The following RNF215 variants were observed in gnomAD, a reference collection of about 807,000 sequenced individuals.
RNF215 encodes ring finger protein 215.
RNF215 carries 41 observed loss-of-function variants against 44.8 expected under a neutral mutation model. That is an observed-to-expected ratio of 0.92 (90% CI 0.71 to 1.19). RNF215 has a LOEUF of 1.19. Among genes scored for constraint, RNF215 ranks in the 50% most tolerant of loss-of-function variants. RNF215 has a pLI of 0.00. For missense variants in RNF215, 452 were observed against 496.2 expected (o/e 0.91, Z 0.85); for synonymous variants, 218 against 230.1 (o/e 0.95, Z 0.48).
rs139909952 is a variant in RNF215 at position 30,381,776 on chromosome 22, T to G, written c.745-1375A>C. ...TGCTCTGCTCACAGTGGAGGTGCTC[T>G]GGGGGCCCTCACTGGGAAGTGTCTG... On this transcript the variant is annotated intron_variant, in intron 5 of 8. Coordinates refer to ENST00000382363, the MANE Select transcript of RNF215 (RefSeq NM_001017981.2). 6.9e-3 allele frequency among the ~76,000 whole-genome samples: 1,054 copies of G among 152,314 alleles called. 4 individuals carry two copies. Among genetic ancestry groups the G allele is most frequent in the Non-Finnish European group, 0.011 (732 of 68,016 alleles).
At position 30,379,377 on chromosome 22, in the gene RNF215, TCTTC is replaced by T. The variant is rs1240521184; in HGVS notation, c.*219_*222del. ...GCAGAGAAGGTCCCAAAGTGACCTC[TCTTC>T]CTTGACTGACAGGTCCCAGCCCTAG... On this transcript the variant is annotated 3_prime_UTR_variant, in exon 9 of 9. Coordinates refer to ENST00000382363, the MANE Select transcript of RNF215 (RefSeq NM_001017981.2). The T allele has an allele frequency of 3.3e-6, 2 of 603,114 alleles. No individual in the cohort carries two copies. The highest frequency in any genetic ancestry group is 3.7e-5 in the African/African-American group (2 of 53,882). The allele number at this position is 603,114 out of a possible 1,614,324, so 37.4% of individuals were successfully genotyped here.
intron 4 of RNF215, 166 bp from the exon 5 acceptor site, chr22:30,384,661 C>A: frequency 3.4e-6 from 2 of 584,584 alleles, no homozygotes; most frequent in Non-Finnish European, 6.0e-6. Context: ...AATTTTCACA[C>A]CAGCCAGGCC....
intron 5 of RNF215, among the ~76,000 whole-genome samples, chr22:30,383,368 C>G (rs147703135): frequency 5.1e-4 from 78 of 152,296 alleles, no homozygotes; most frequent in African/African-American, 1.7e-3. Flanking sequence ...CCAATGCCTG[C>G]CCTGTCCAGA....
In RNF215 at chr22:30,379,338, C is replaced by CA. The variant is rs1933485728; in HGVS notation, c.*261dup. Reference sequence around the variant, plus strand: ...GAGCTGCCTGTAAGGAGGGCAGACTCACGTCACAGGATTGCAGAGAAGGTC... The same window carrying CA: ...GAGCTGCCTGTAAGGAGGGCAGACTCAACGTCACAGGATTGCAGAGAAGGTC... On this transcript the variant is annotated 3_prime_UTR_variant, in exon 9 of 9. Transcript: ENST00000382363. The CA allele has an allele frequency of 1.8e-6, 1 of 551,172 alleles. No homozygotes were observed. The highest frequency in any genetic ancestry group is 3.3e-6 in the Non-Finnish European group (1 of 306,864). 34.1% of individuals were successfully genotyped at this position (551,172 alleles called of 1,614,324 possible).
Position 30,380,196 on chromosome 22 carries a change from A to G in RNF215, c.874T>C (p.Phe292Leu). Residue 292 changes from phenylalanine (F) to leucine (L), a missense_variant, in exon 7 of 9, where the codon TTT becomes CTT. Physicochemically the swap from Phe to Leu is conservative, Grantham distance 22. Coordinates refer to ENST00000382363, the MANE Select transcript of RNF215 (RefSeq NM_001017981.2). This position sits in a 1 kb window ranked among gnomAD's most constrained non-coding sequence, Gnocchi z 5.3. Reference protein sequence around the residue: ...QRELGGQVDLFKRRVVRRLAS... With the variant: ...QRELGGQVDLLKRRVVRRLAS... ...AGTCTCCGCACCACGCGGCGCTTAA[A>G]CAGGTCCACCTGTGGGGAGAGGACG... is the stretch of plus-strand genomic sequence containing the variant. The G allele has an allele frequency of 6.2e-7, 1 of 1,613,724 alleles. No homozygotes were observed. The highest frequency in any genetic ancestry group is 8.5e-7 in the Non-Finnish European group (1 of 1,179,894).
chr22:30,387,383 G>C lies in RNF215; in HGVS notation c.-70C>G. 4.0e-6 allele frequency: 4 copies of C among 998,574 alleles called. No homozygotes were observed. The highest frequency in any genetic ancestry group is 4.6e-5 in the South Asian group (1 of 21,974). The allele number at this position is 998,574 out of a possible 1,614,324, so 61.9% of individuals were successfully genotyped here. On this transcript the variant is annotated 5_prime_UTR_variant, in exon 1 of 9. Coordinates refer to ENST00000382363, the MANE Select transcript of RNF215 (RefSeq NM_001017981.2). ...GGGCGCGGGGGGGATCGGAGGGAGC[G>C]AGGCCGCTGCCGGACGGGGCGGGGC... is the stretch of plus-strand genomic sequence containing the variant.
At chr22:30,386,889 T>C (rs903353748) in intron 1 of RNF215, 130 bp from the exon 2 acceptor site, 12 of 1,473,478 alleles carry the variant, frequency 8.1e-6, no homozygotes, top group Non-Finnish European at 1.1e-5. Context: ...GCCGGAATGC[T>C]GGGGGCCTGG....
chr22:30,385,871 G>A lies in RNF215; in HGVS notation c.587+33C>T, dbSNP rs773454713. The stretch of plus-strand genomic sequence containing the variant: ...AGAACCAGGGGCTCTCTGTACCCAG[G>A]GTCAGTCCTTTGAAGTCTAAATACC... On this transcript the variant is annotated intron_variant, in intron 4 of 8. Transcript: ENST00000382363. 1.2e-5 allele frequency: 19 copies of A among 1,598,064 alleles called. No homozygotes were observed. In the South Asian group the frequency reaches 1.9e-4, roughly 16 times the overall value.
chr22:30,379,825 G>T lies in RNF215; in HGVS notation c.1009-12C>A. ...AGCACCCGGAGCCACTACAGGGGTG[G>T]GGGAGGAAGGGCTCAGGTCACCGAA... On this transcript the variant is annotated splice_polypyrimidine_tract_variant and intron_variant, in intron 7 of 8. Coordinates refer to ENST00000382363, the MANE Select transcript of RNF215 (RefSeq NM_001017981.2). The T allele has an allele frequency of 6.4e-7, 1 of 1,573,042 alleles. No individual in the cohort carries two copies. The highest frequency in any genetic ancestry group is 8.6e-7 in the Non-Finnish European group (1 of 1,161,004).
At position 30,387,350 on chromosome 22, in the gene RNF215, G is replaced by A. The variant is rs1262646555; in HGVS notation, c.-37C>T. ...GCGAGCTGGCCCAACAGTGGGGCCA[G>A]GGGTCCCGGGCGCGGGGGGGATCGG... is the stretch of plus-strand genomic sequence containing the variant. On this transcript the variant is annotated 5_prime_UTR_variant, in exon 1 of 9. Coordinates refer to ENST00000382363, the MANE Select transcript of RNF215 (RefSeq NM_001017981.2). 10 of 1,044,768 alleles carry A rather than the reference G, an allele frequency of 9.6e-6. No individual in the cohort carries two copies. Among genetic ancestry groups the A allele is most frequent in the South Asian group, 4.4e-5 (1 of 22,642 alleles). The allele number at this position is 1,044,768 out of a possible 1,614,324, so 64.7% of individuals were successfully genotyped here. A position where few individuals can be genotyped will look rare whatever the true frequency, so the allele number is the denominator to read the frequency against.
rs900774171 is a variant in RNF215, at chr22:30,386,767, G to A, written c.286-8C>T. 1.2e-6 allele frequency: 2 copies of A among 1,601,618 alleles called. No homozygotes were observed. The highest frequency in any genetic ancestry group is 1.7e-6 in the Non-Finnish European group (2 of 1,179,168). On this transcript the variant is annotated splice_region_variant and splice_polypyrimidine_tract_variant and intron_variant, in intron 1 of 8. Coordinates refer to ENST00000382363, the MANE Select transcript of RNF215 (RefSeq NM_001017981.2). ...GGCATCCACGATGTCCATCTGTGTG[G>A]CAAGGGGCCATGAGCAGAGGGAGGT...
In RNF215 at chr22:30,380,358, A is replaced by G. The variant is rs559409878; in HGVS notation, c.788T>C (p.Met263Thr). The G allele has an allele frequency of 2.5e-5, 40 of 1,610,112 alleles. No individual in the cohort carries two copies. Among genetic ancestry groups the G allele is most frequent in the Non-Finnish European group, 3.2e-5 (38 of 1,177,596 alleles). Residue 263 changes from methionine (M) to threonine (T), a missense_variant, in exon 6 of 9, where the codon ATG (methionine) becomes ACG (threonine). Met to Thr is a moderately conservative substitution (Grantham distance 81, BLOSUM62 -1). Coordinates refer to ENST00000382363, the MANE Select transcript of RNF215 (RefSeq NM_001017981.2). This position sits in a 1 kb window ranked among gnomAD's most constrained non-coding sequence, Gnocchi z 5.3. Reference sequence around the variant, plus strand: ...GACCACGAGGCCTGTGCACAGGAGCATGGCCACCAGCAGGATGGCGTTCCA... The same window carrying G: ...GACCACGAGGCCTGTGCACAGGAGCGTGGCCACCAGCAGGATGGCGTTCCA... Reference protein sequence around the residue: ...QLWNAILLVAMLLCTGLVVQA... With the variant: ...QLWNAILLVATLLCTGLVVQA...
intron 5 of RNF215, among the ~76,000 whole-genome samples, chr22:30,382,148 T>C (rs2145983624): frequency 6.6e-6 from 1 of 152,216 alleles, no homozygotes; most frequent in East Asian, 1.9e-4. Context: ...ATGCCTATAA[T>C]CCCAGCACTT....
rs200916513 is a variant in RNF215, at chr22:30,386,012, G to A, written c.502-23C>T. 4.8e-4 allele frequency: 778 copies of A among 1,613,920 alleles called. 1 individual carries two copies. Among genetic ancestry groups the A allele is most frequent in the Admixed American group, 1.2e-3 (70 of 60,024 alleles). Reference sequence around the variant, plus strand: ...CAGCTGCAGGGAGACAAGGAGGTCAGCAGGCCTGGGTCCCCCTTTCCCCAG... The same window carrying A: ...CAGCTGCAGGGAGACAAGGAGGTCAACAGGCCTGGGTCCCCCTTTCCCCAG... On this transcript the variant is annotated intron_variant, in intron 3 of 8. Transcript: ENST00000382363.
In RNF215 at chr22:30,386,635, G is replaced by A; in HGVS notation, c.410C>T (p.Pro137Leu). The A allele has an allele frequency of 6.2e-7, 1 of 1,613,126 alleles. No individual in the cohort carries two copies. The highest frequency in any genetic ancestry group is 8.5e-7 in the Non-Finnish European group (1 of 1,179,874). ...ENKGSGPQAY[P>L]KALVQQMRRA... is the part of the protein sequence containing the mutation. ...CTGCACCTGCTGGACCAGGGCCTTG[G>A]GATAGGCCTGCGGGCCACTGCCCTT... The change falls in exon 2 of 9, where the codon CCC becomes CTC. Residue 137 changes from proline to leucine, a missense_variant. Transcript: ENST00000382363.
rs558566770 is a variant in RNF215 at position 30,387,366 on chromosome 22, G to A, written c.-53C>T. 2.9e-6 allele frequency: 3 copies of A among 1,032,562 alleles called. No homozygotes were observed. Among genetic ancestry groups the A allele is most frequent in the Admixed American group, 5.6e-5 (1 of 17,780 alleles). The allele number at this position is 1,032,562 out of a possible 1,614,324, so 64.0% of individuals were successfully genotyped here. A position where few individuals can be genotyped will look rare whatever the true frequency, so the allele number is the denominator to read the frequency against. ...GTGGGGCCAGGGGTCCCGGGCGCGG[G>A]GGGGATCGGAGGGAGCGAGGCCGCT... On this transcript the variant is annotated 5_prime_UTR_variant, in exon 1 of 9. Coordinates refer to ENST00000382363, the MANE Select transcript of RNF215 (RefSeq NM_001017981.2).
At chr22:30,382,869 A>C (rs1238575487) in intron 5 of RNF215, among the ~76,000 whole-genome samples, 1 of 152,070 alleles carries the variant, frequency 6.6e-6, no homozygotes, top group Non-Finnish European at 1.5e-5. Flanking sequence ...TGGGAGGCCG[A>C]GGTGGGCCGA....
Position 30,379,526 on chromosome 22 carries a change from C to T in RNF215, c.*74G>A. 6.6e-7 allele frequency: 1 copy of T among 1,526,694 alleles called. No individual in the cohort carries two copies. The highest frequency in any genetic ancestry group is 8.8e-7 in the Non-Finnish European group (1 of 1,134,038). 94.6% of individuals were successfully genotyped at this position (1,526,694 alleles called of 1,614,324 possible). On this transcript the variant is annotated 3_prime_UTR_variant, in exon 9 of 9. Transcript: ENST00000382363. ...ATCCTGCTGTCCCATCCTGTCCTGT[C>T]CTGGGAGCCCAGGCTGAGGACCGGG...
chr22:30,381,172 C>A (rs949209658), intron 5 of RNF215, among the ~76,000 whole-genome samples: 3 of 152,194 alleles, frequency 2.0e-5, no homozygotes, highest in African/African-American at 7.2e-5. Flanking sequence ...ATGCGCCCCC[C>A]TAACCTCCCG....
Sources: allele counts gnomAD v4.1 joint callset (sites outside exome capture counted in the v4.1 genomes callset), GRCh38; gene constraint gnomAD v4.1.1; non-coding constraint Gnocchi (gnomAD v3.1); transcripts MANE v1.5; gene names NCBI Gene and HGNC (gene_info 2026-07-23, HGNC 2026-07-21).